Variants in ROPN1L observed in about 807,000 individuals in gnomAD.
ROPN1L encodes rhophilin associated tail protein 1 like.
In ROPN1L, 23 loss-of-function variants were observed where a neutral mutation model predicts 22.7. That is an observed-to-expected ratio of 1.01 (90% CI 0.73 to 1.43). The LOEUF is 1.43. ROPN1L is among the 40% of genes most tolerant of loss of function. ROPN1L has a pLI of 0.00. For synonymous variants in ROPN1L, 116 were observed against 117.8 expected, an observed-to-expected ratio of 0.98 and a Z score of 0.10; for missense variants, 271 against 291.5, an observed-to-expected ratio of 0.93 and a Z score of 0.51.
intron 3 of ROPN1L, among the ~76,000 whole-genome samples, chr5:10,456,494 A>C (rs1741425660): frequency 6.6e-6 from 1 of 152,188 alleles, no homozygotes; most frequent in South Asian, 2.1e-4. Context: ...ATCTCAAAAA[A>C]ACAAACAAAA....
the ROPN1L span, chr5:10,479,541 G>A: frequency 6.6e-6 from 1 of 152,146 alleles, no homozygotes; most frequent in East Asian, 1.9e-4. Flanking sequence ...GGCAGAGGTG[G>A]GGCTGCCACA....
chr5:10,474,208 T>C (rs551945703), downstream of ROPN1L, among the ~76,000 whole-genome samples: 11 of 150,608 alleles, frequency 7.3e-5, no homozygotes, highest in East Asian at 1.7e-3. Context: ...AGGTTTTCAA[T>C]GAGTTTCTGC....
chr5:10,450,163 A>C, intron 3 of ROPN1L, 50 bp downstream of exon 3: 2 of 1,431,942 alleles, frequency 1.4e-6, no homozygotes, highest in Non-Finnish European at 1.9e-6. Flanking sequence ...TCATGGTCCC[A>C]GCTTAAAAAT....
chr5:10,456,977 T>C (rs539400044), intron 3 of ROPN1L, among the ~76,000 whole-genome samples: 24 of 152,260 alleles, frequency 1.6e-4, no homozygotes, highest in African/African-American at 4.3e-4. Context: ...CGGACTTCCA[T>C]TTGTGTCCAG....
intron 2 of ROPN1L, among the ~76,000 whole-genome samples, chr5:10,448,725 C>T (rs954620946): frequency 6.6e-6 from 1 of 152,188 alleles, no homozygotes; most frequent in Non-Finnish European, 1.5e-5. Context: ...GTTTCCAGTC[C>T]GTTCTCCAGG....
downstream of ROPN1L, among the ~76,000 whole-genome samples, chr5:10,468,195 C>T (rs889475461): frequency 1.3e-5 from 2 of 152,220 alleles, no homozygotes; most frequent in African/African-American, 4.8e-5. Flanking sequence ...GCCCAGAGGC[C>T]GAGCTCCATC....
intron 3 of ROPN1L, among the ~76,000 whole-genome samples, chr5:10,458,338 G>A (rs1362461971): frequency 2.6e-5 from 4 of 151,784 alleles, no homozygotes; most frequent in Admixed American, 6.6e-5. Context: ...GTGGTATAGC[G>A]TGTCCATGCA....
At chr5:10,461,600 G>A (rs1735031878) in intron 4 of ROPN1L, 1 of 410,428 alleles carries the variant, frequency 2.4e-6, no homozygotes, top group East Asian at 4.9e-5. Flanking sequence ...TCTACCTGGA[G>A]ATAGCCTGAG....
chr5:10,449,802 C>T, intron 2 of ROPN1L, 150 bp from the exon 3 acceptor site: 3 of 617,852 alleles, frequency 4.9e-6, no homozygotes, highest in Non-Finnish European at 8.2e-6. Context: ...CTTCCCTCCC[C>T]AGGGCTGACA....
In ROPN1L at chr5:10,442,230, C is replaced by G. The variant is rs764462958; in HGVS notation, c.63C>G (p.Asp21Glu). The change falls in exon 1 of 5, where the codon GAC (aspartate) becomes GAG (glutamate). Residue 21 changes from aspartate to glutamate, a missense_variant. By Grantham distance (45) the Asp-to-Glu change is conservative. Transcript: ENST00000274134. ...QQIHIPPELP[D>E]ILKQFTKAAI... is the part of the protein sequence containing the mutation. Reference sequence around the variant, plus strand: ...TCCACATTCCCCCGGAGCTGCCGGACATCCTGAAGCAATTCACCAAGGCTG... The same window carrying G: ...TCCACATTCCCCCGGAGCTGCCGGAGATCCTGAAGCAATTCACCAAGGCTG... 1.8e-5 allele frequency: 29 copies of G among 1,613,868 alleles called. No homozygotes were observed. Among genetic ancestry groups the G allele is most frequent in the Non-Finnish European group, 2.3e-5 (27 of 1,179,920 alleles).
rs1024357151 is a variant in ROPN1L at position 10,449,882 on chromosome 5, T to C, written c.256-70T>C. The C allele has an allele frequency of 1.8e-5, 25 of 1,358,044 alleles. No individual in the cohort carries two copies. The Middle Eastern group carries it at 1.1e-3, about 59-fold the overall frequency. 84.1% of individuals were successfully genotyped at this position (1,358,044 alleles called of 1,614,324 possible). On this transcript the variant is annotated intron_variant, in intron 2 of 4. Coordinates refer to ENST00000274134, the MANE Select transcript of ROPN1L (RefSeq NM_031916.5). Reference sequence around the variant, plus strand: ...GGCGGGTTACTTGGTGTGTGTTGAATATTCACAGCATTCATTGTTTCCCAG... The same window carrying C: ...GGCGGGTTACTTGGTGTGTGTTGAACATTCACAGCATTCATTGTTTCCCAG...
At chr5:10,453,778 G>C (rs565299947) in intron 3 of ROPN1L, among the ~76,000 whole-genome samples, 16 of 152,246 alleles carry the variant, frequency 1.1e-4, no homozygotes, top group Middle Eastern at 6.8e-3. Context: ...GGAAACCTCT[G>C]CTTCAATTTC....
At chr5:10,451,357 C>T (rs1036930243) in intron 3 of ROPN1L, among the ~76,000 whole-genome samples, 5 of 152,240 alleles carry the variant, frequency 3.3e-5, no homozygotes, top group African/African-American at 1.2e-4. Flanking sequence ...GTCCTGTCCC[C>T]CTGCCTGGTG....
intron 4 of ROPN1L, among the ~76,000 whole-genome samples, chr5:10,462,953 T>G (rs1482430630): frequency 6.6e-6 from 1 of 152,208 alleles, no homozygotes; most frequent in Non-Finnish European, 1.5e-5. Context: ...TAGAATTCAT[T>G]TCTCCACAAT....
At chr5:10,480,759 G>C in the ROPN1L span, among the ~76,000 whole-genome samples, 7 of 152,132 alleles carry the variant, frequency 4.6e-5, no homozygotes, top group Admixed American at 3.9e-4. Context: ...TTTCCAGGCA[G>C]CTCGTGTGCT....
intron 1 of ROPN1L, 54 bp from the exon 2 acceptor site, chr5:10,448,206 C>T: frequency 6.2e-7 from 1 of 1,605,920 alleles, no homozygotes; most frequent in South Asian, 1.1e-5. Flanking sequence ...AATTGGATCG[C>T]ATAGCTGTTT....
chr5:10,481,316 T>C, the ROPN1L span, among the ~76,000 whole-genome samples: 2 of 152,234 alleles, frequency 1.3e-5, no homozygotes, highest in South Asian at 2.1e-4. Context: ...CGCTGAGCTA[T>C]GCAGGGCCAC....
At chr5:10,442,408 G>A (rs2126420676) in intron 1 of ROPN1L, 110 bp downstream of exon 1, 5 of 1,401,242 alleles carry the variant, frequency 3.6e-6, no homozygotes, top group East Asian at 2.3e-5. Context: ...GCGTCCTTAA[G>A]AGTATCAGGC....
the ROPN1L span, among the ~76,000 whole-genome samples, chr5:10,478,664 T>C: frequency 1.3e-5 from 2 of 152,140 alleles, no homozygotes; most frequent in African/African-American, 4.8e-5. Context: ...CTCACCCTAC[T>C]GTGGTATGAT....
Sources: gnomAD v4.1 joint callset for allele counts (sites outside exome capture counted in the v4.1 genomes callset) on GRCh38, gnomAD v4.1.1 for gene constraint, MANE v1.5 for transcripts, NCBI Gene and HGNC (gene_info 2026-07-23, HGNC 2026-07-21) for gene names.